CCNB2: variants seen among roughly 807,000 people sequenced by gnomAD.
CCNB2 encodes the protein G2/mitotic-specific cyclin-B2.
In CCNB2, 39 loss-of-function variants were observed where a neutral mutation model predicts 51.1. That is an observed-to-expected ratio of 0.76 (90% CI 0.59 to 1.00). The LOEUF (loss-of-function observed/expected upper bound fraction) is 1.00. CCNB2 is among the 50% of genes least tolerant of loss of function. The pLI is 0.00. For synonymous variants in CCNB2, 174 were observed against 165.5 expected, an observed-to-expected ratio of 1.05 and a Z score of -0.40; for missense variants, 472 against 470.3, an observed-to-expected ratio of 1.00 and a Z score of -0.03.
intron 2 of CCNB2, 23 bp downstream of exon 2, chr15:59,107,473 G>A (rs2079240547): frequency 4.3e-6 from 7 of 1,613,952 alleles, no homozygotes; most frequent in South Asian, 1.1e-5. Flanking sequence ...AAGACTGAAT[G>A]TGAATACAGA....
intron 3 of CCNB2, among the ~76,000 whole-genome samples, chr15:59,108,540 T>C (rs2079245210): frequency 9.5e-6 from 1 of 105,024 alleles, no homozygotes; most frequent in Admixed American, 9.8e-5. Context: ...TGTCTCAGAA[T>C]GTCTTTCATC....
chr15:59,107,604 T>C lies in CCNB2; in HGVS notation c.201T>C (p.Asn67=). ...KVPVQPTKTT[N]VNKQLKPTAS... is the part of the protein sequence containing the mutation. ...CAGTTCAACCCACCAAAACAACAAA[T>C]GTCAACAAACAACTGAAACCTACTG... The change falls in exon 3 of 9, where the codon AAT becomes AAC. Residue 67 remains asparagine, a synonymous_variant. Transcript: ENST00000288207. The C allele has an allele frequency of 1.9e-6, 3 of 1,614,184 alleles. No homozygotes were observed. The highest frequency in any genetic ancestry group is 1.1e-5 in the South Asian group (1 of 91,086).
chr15:59,120,022 T>G (rs2079295741), intron 7 of CCNB2, among the ~76,000 whole-genome samples: 1 of 152,080 alleles, frequency 6.6e-6, no homozygotes, highest in Admixed American at 6.6e-5. Context: ...AGAGAAAATA[T>G]TAACAATTAA....
chr15:59,105,235 G>A lies in CCNB2; in HGVS notation c.-34G>A. ...CCTTTTCAGTCCGCGTCCCTCCCTG[G>A]GCCGGGCTGGCACTCTTGCCTTCCC... On this transcript the variant is annotated 5_prime_UTR_variant, in exon 1 of 9. Transcript: ENST00000288207. The A allele has an allele frequency of 6.4e-7, 1 of 1,553,562 alleles. No homozygotes were observed. The highest frequency in any genetic ancestry group is 1.2e-5 in the South Asian group (1 of 84,428).
At chr15:59,123,933 G>A in intron 8 of CCNB2, 1 of 234,036 alleles carries the variant, frequency 4.3e-6, no homozygotes, top group Admixed American at 4.9e-5. Context: ...AGCATCCTGG[G>A]GAGGGCACTT....
chr15:59,107,543 C>T lies in CCNB2; in HGVS notation c.154-14C>T. ...TGGCTGTCTTGCGCTATTCATGTTT[C>T]TTTTTCCTTATAGAAAGCTCAGAAC... On this transcript the variant is annotated splice_polypyrimidine_tract_variant and intron_variant, in intron 2 of 8. Transcript: ENST00000288207. The T allele has an allele frequency of 6.2e-7, 1 of 1,614,040 alleles. No homozygotes were observed. Among genetic ancestry groups the T allele is most frequent in the South Asian group, 1.1e-5 (1 of 91,064 alleles).
intron 3 of CCNB2, among the ~76,000 whole-genome samples, chr15:59,113,992 G>A (rs2079268234): frequency 6.6e-6 from 1 of 152,178 alleles, no homozygotes; most frequent in Admixed American, 6.5e-5. Flanking sequence ...GTGAGCCACC[G>A]TGCATGGCCT....
intron 3 of CCNB2, among the ~76,000 whole-genome samples, chr15:59,110,633 A>T (rs2079253896): frequency 6.6e-6 from 1 of 152,252 alleles, no homozygotes; most frequent in Admixed American, 6.5e-5. Flanking sequence ...CCATGTGTCC[A>T]TGATAGGAGA....
Position 59,124,925 on chromosome 15 carries a change from A to T in CCNB2, c.*48A>T. On this transcript the variant is annotated 3_prime_UTR_variant, in exon 9 of 9. Transcript: ENST00000288207. ...TGTGCTTCATTGTGCCCTTTTTCTT[A>T]TTGGTTTAGAACTCTTGATTTTGTA... is the stretch of plus-strand genomic sequence containing the variant. 1 of 1,171,978 alleles carries T rather than the reference A, an allele frequency of 8.5e-7. No individual in the cohort carries two copies. Among genetic ancestry groups the T allele is most frequent in the Non-Finnish European group, 1.2e-6 (1 of 832,726 alleles). The allele number at this position is 1,171,978 out of a possible 1,614,324, so 72.6% of individuals were successfully genotyped here. A position where few individuals can be genotyped will look rare whatever the true frequency, so the allele number is the denominator to read the frequency against.
At chr15:59,116,947 A>C (rs2079281760) in intron 6 of CCNB2, 21 bp downstream of exon 6, 1 of 1,576,472 alleles carries the variant, frequency 6.3e-7, no homozygotes, top group East Asian at 2.2e-5. Context: ...CCAGCTCTGT[A>C]AGAGACTATT....
intron 3 of CCNB2, among the ~76,000 whole-genome samples, chr15:59,113,044 A>C (rs1014762246): frequency 2.0e-5 from 3 of 152,002 alleles, no homozygotes; most frequent in Non-Finnish European, 2.9e-5. Context: ...AAAAAAAAAA[A>C]CATTTAAAAA....
intron 7 of CCNB2, among the ~76,000 whole-genome samples, chr15:59,118,373 ACCTCATCAGAACCTAGGGG>A (rs1262258195): frequency 6.6e-6 from 1 of 151,872 alleles, no homozygotes; most frequent in Admixed American, 6.6e-5. Flanking sequence ...ACAATAGAAA[ACCTCATCAGAACCTAGGGG>A]ATACGAAGCT....
chr15:59,107,530 G>A (rs1231191803), intron 2 of CCNB2, 27 bp from the exon 3 acceptor site: 16 of 1,613,374 alleles, frequency 9.9e-6, no homozygotes, highest in African/African-American at 5.3e-5. Flanking sequence ...GCTGTCTTGC[G>A]CTATTCATGT....
chr15:59,122,241 CTTTTTTTTTTTT>C (rs1162917277), intron 7 of CCNB2, among the ~76,000 whole-genome samples: 2 of 73,004 alleles, frequency 2.7e-5, no homozygotes, highest in South Asian at 5.1e-4. Context: ...GTTGACATAT[CTTTTTTTTTTTT>C]TTTTTTTTTT....
intron 1 of CCNB2, 71 bp from the exon 2 acceptor site, chr15:59,107,251 T>G: frequency 7.2e-7 from 1 of 1,384,186 alleles, no homozygotes; most frequent in Non-Finnish European, 9.8e-7. Flanking sequence ...AATTCTAAAT[T>G]TGAGTATCTA....
At chr15:59,114,906 G>T (rs765473957) in intron 5 of CCNB2, 30 bp downstream of exon 5, 41 of 1,589,380 alleles carry the variant, frequency 2.6e-5, no homozygotes, top group Non-Finnish European at 3.5e-5. Flanking sequence ...CTTCACGCCA[G>T]TGGCTCATTG....
chr15:59,117,024 C>T (rs1383165582), intron 6 of CCNB2, 98 bp downstream of exon 6: 1 of 1,100,058 alleles, frequency 9.1e-7, no homozygotes, highest in African/African-American at 1.6e-5. Context: ...AGGACGCTTC[C>T]TTTAGGTAAG....
intron 3 of CCNB2, among the ~76,000 whole-genome samples, chr15:59,109,153 C>T (rs1215750484): frequency 2.0e-5 from 3 of 152,142 alleles, no homozygotes; most frequent in Non-Finnish European, 4.4e-5. Context: ...CGGGTTCAAG[C>T]GATTCTCCTG....
At chr15:59,119,024 T>A (rs543987318) in intron 7 of CCNB2, among the ~76,000 whole-genome samples, 22 of 152,198 alleles carry the variant, frequency 1.4e-4, no homozygotes, top group Non-Finnish European at 2.8e-4. Flanking sequence ...CCAGAAAGAA[T>A]GAAAGTGGAA....
Sources: gnomAD v4.1 joint callset for allele counts (sites outside exome capture counted in the v4.1 genomes callset) on GRCh38, gnomAD v4.1.1 for gene constraint, MANE v1.5 for transcripts, NCBI Gene and HGNC (gene_info 2026-07-23, HGNC 2026-07-21) for gene names.